ATP2B1: variants seen among roughly 807,000 people sequenced by gnomAD.
The protein encoded by ATP2B1 is ATPase plasma membrane Ca2+ transporting 1, also known as plasma membrane calcium-transporting ATPase 1.
In ATP2B1, 14 loss-of-function variants were observed where a neutral mutation model predicts 124.2. The observed-to-expected ratio is 0.11, with a 90% CI of 0.07 to 0.18. The LOEUF is 0.18. ATP2B1 is among the 10% of genes least tolerant of loss of function. The pLI is 1.00. For missense variants in ATP2B1, 763 were observed against 1,466.1 expected (o/e 0.52, Z 7.83); for synonymous variants, 449 against 492.4 (o/e 0.91, Z 1.17).
At chr12:89,625,593 AAAAAAAAAAAAG>A (rs1246995725) in intron 8 of ATP2B1, among the ~76,000 whole-genome samples, 1 of 151,066 alleles carries the variant, frequency 6.6e-6, no homozygotes, top group African/African-American at 2.4e-5. Context: ...TCAAAAAAAA[AAAAAAAAAAAAG>A]AAAAGAAAAG....
At position 89,609,864 on chromosome 12, in the gene ATP2B1, CAACA is replaced by C. The variant is rs370724894; in HGVS notation, c.2442+69_2442+72del. On this transcript the variant is annotated intron_variant, in intron 15 of 20. Transcript: ENST00000428670. ...TGTTTAAAATCCATAGTAATTTAGT[CAACA>C]AACAAACAAACAAACAAACAAACCA... is the stretch of plus-strand genomic sequence containing the variant. The C allele has an allele frequency of 1.9e-3, 2,612 of 1,360,704 alleles. 14 individuals are homozygous for C. The highest frequency in any genetic ancestry group is 6.8e-3 in the South Asian group (546 of 80,492). The allele number at this position is 1,360,704 out of a possible 1,614,324, so 84.3% of individuals were successfully genotyped here.
intron 6 of ATP2B1, among the ~76,000 whole-genome samples, 192 bp from the exon 7 acceptor site, chr12:89,627,908 C>T (rs1384680288): frequency 2.0e-5 from 3 of 152,098 alleles, no homozygotes; most frequent in Non-Finnish European, 4.4e-5. Context: ...GGGAGAATAC[C>T]GCAAAATAAT....
intron 11 of ATP2B1, among the ~76,000 whole-genome samples, chr12:89,617,614 A>C: frequency 6.6e-6 from 1 of 152,324 alleles, no homozygotes; most frequent in South Asian, 2.1e-4. Flanking sequence ...ATGAATAAAA[A>C]TCATACTATA....
intron 1 of ATP2B1, among the ~76,000 whole-genome samples, chr12:89,671,224 T>C (rs1887938500): frequency 6.6e-6 from 1 of 152,022 alleles, no homozygotes; most frequent in East Asian, 1.9e-4. Context: ...TGACATTAGG[T>C]AGACTGAATG....
intron 11 of ATP2B1, among the ~76,000 whole-genome samples, chr12:89,617,926 C>A (rs958446062): frequency 6.6e-6 from 1 of 152,170 alleles, no homozygotes; most frequent in Non-Finnish European, 1.5e-5. Flanking sequence ...CATCTCTCTA[C>A]TATTAGCTCC....
chr12:89,620,310 A>G, intron 10 of ATP2B1, 70 bp from the exon 11 acceptor site: 1 of 1,508,726 alleles, frequency 6.6e-7, no homozygotes, highest in Non-Finnish European at 9.0e-7. Flanking sequence ...AATGTAAAAC[A>G]GACTGCGATA....
intron 18 of ATP2B1, among the ~76,000 whole-genome samples, chr12:89,602,110 G>T (rs907600181): frequency 1.3e-5 from 2 of 152,016 alleles, no homozygotes; most frequent in Admixed American, 6.6e-5. Context: ...ATTCTAAAAG[G>T]CCTAAAATAG....
intron 1 of ATP2B1, among the ~76,000 whole-genome samples, chr12:89,701,220 A>G (rs1436832184): frequency 6.6e-6 from 1 of 152,192 alleles, no homozygotes; most frequent in Non-Finnish European, 1.5e-5. Context: ...TATGATGCTC[A>G]GTCTTTGGTC....
chr12:89,628,288 G>A (rs2136138282), intron 6 of ATP2B1, among the ~76,000 whole-genome samples: 1 of 152,032 alleles, frequency 6.6e-6, no homozygotes, highest in South Asian at 2.1e-4. Context: ...TGTAGTCCCA[G>A]CTAGTCAGGA....
At chr12:89,637,203 A>C (rs1882840499) in intron 3 of ATP2B1, among the ~76,000 whole-genome samples, 1 of 152,234 alleles carries the variant, frequency 6.6e-6, no homozygotes. Context: ...TTTACCAGTC[A>C]TATTTTAACA....
At chr12:89,611,476 TGAC>T in intron 12 of ATP2B1, 104 bp from the exon 13 acceptor site, 1 of 897,184 alleles carries the variant, frequency 1.1e-6, no homozygotes. Context: ...CCCCAAATGA[TGAC>T]AATGATACAA....
intron 11 of ATP2B1, among the ~76,000 whole-genome samples, chr12:89,618,220 G>C (rs982152490): frequency 1.3e-5 from 2 of 151,930 alleles, no homozygotes; most frequent in African/African-American, 4.8e-5. Flanking sequence ...AATTTTAACT[G>C]CTCAGCCCAA....
chr12:89,599,216 C>T lies in ATP2B1; in HGVS notation c.3252G>A (p.Glu1084=), dbSNP rs1392771712. 1 of 1,614,200 alleles carries T rather than the reference C, an allele frequency of 6.2e-7. No homozygotes were observed. The highest frequency in any genetic ancestry group is 1.7e-5 in the Admixed American group (1 of 60,028). ...HGTQKEEIPE[E]ELAEDVEEID... is the part of the protein sequence containing the mutation. The stretch of plus-strand genomic sequence containing the variant: ...TCTCTTCAACATCCTCTGCTAATTC[C>T]TCCTCAGGTATTTCTTCCTTTTGTG... The change falls in exon 20 of 21, where the codon GAG becomes GAA. Residue 1084 remains glutamate (E), a synonymous_variant. Transcript: ENST00000428670.
At chr12:89,689,842 T>C (rs528225753) in intron 1 of ATP2B1, among the ~76,000 whole-genome samples, 23 of 152,260 alleles carry the variant, frequency 1.5e-4, no homozygotes, top group South Asian at 2.1e-4. Flanking sequence ...TTTCTGAATA[T>C]CAAAAGTTTA....
intron 1 of ATP2B1, among the ~76,000 whole-genome samples, chr12:89,682,422 AGAT>A (rs1889466891): frequency 1.3e-5 from 2 of 152,234 alleles, no homozygotes; most frequent in East Asian, 3.8e-4. Flanking sequence ...CGAAGAATAA[AGAT>A]GATGGAAATA....
At chr12:89,607,309 A>G (rs1179822519) in intron 15 of ATP2B1, among the ~76,000 whole-genome samples, 1 of 152,202 alleles carries the variant, frequency 6.6e-6, no homozygotes, top group East Asian at 1.9e-4. Flanking sequence ...AAAAACTTGT[A>G]CATAATTCGC....
intron 13 of ATP2B1, among the ~76,000 whole-genome samples, chr12:89,610,992 A>G (rs1053378540): frequency 7.9e-5 from 12 of 152,144 alleles, no homozygotes; most frequent in Admixed American, 5.9e-4. Flanking sequence ...ATAGCAAGAA[A>G]TGCTTACTCC....
chr12:89,689,710 T>C (rs1890343252), intron 1 of ATP2B1, among the ~76,000 whole-genome samples: 1 of 152,172 alleles, frequency 6.6e-6, no homozygotes, highest in Admixed American at 6.6e-5. Context: ...CATTTGTCTA[T>C]TTTAAACATA....
intron 1 of ATP2B1, among the ~76,000 whole-genome samples, chr12:89,670,013 A>G (rs1377820355): frequency 2.0e-5 from 3 of 152,204 alleles, no homozygotes; most frequent in African/African-American, 7.2e-5. Flanking sequence ...GTGGGAGAAA[A>G]AAGTTTTCTT....
Sources: gnomAD v4.1 joint callset for allele counts (sites outside exome capture counted in the v4.1 genomes callset) on GRCh38, gnomAD v4.1.1 for gene constraint, MANE v1.5 for transcripts, NCBI Gene and HGNC (gene_info 2026-07-23, HGNC 2026-07-21) for gene names.